Variants in KSR2 observed in about 807,000 individuals in gnomAD.
KSR2 encodes kinase suppressor of ras 2.
Under a neutral mutation model 107.8 loss-of-function variants are expected in KSR2, and 25 were observed. The observed-to-expected ratio is 0.23, with a 90% CI of 0.17 to 0.32. The LOEUF (loss-of-function observed/expected upper bound fraction) is 0.32, where lower values mean the gene tolerates loss of function less well. KSR2 is among the 10% of genes least tolerant of loss of function. KSR2 has a pLI of 1.00. For synonymous variants in KSR2, 480 were observed against 507.0 expected (o/e 0.95, Z 0.71); for missense variants, 887 against 1,268.9 (o/e 0.70, Z 4.57).
intron 14 of KSR2, among the ~76,000 whole-genome samples, chr12:117,492,546 T>C (rs1362250682): frequency 6.6e-6 from 1 of 152,212 alleles, no homozygotes; most frequent in African/African-American, 2.4e-5. Flanking sequence ...GGGCACAGGC[T>C]CTGCCTCTAT....
chr12:117,494,953 C>A (rs752181212), intron 14 of KSR2, among the ~76,000 whole-genome samples: 1 of 152,218 alleles, frequency 6.6e-6, no homozygotes. Context: ...TTGAGTAACA[C>A]GGCAAAGGCC....
In KSR2 at chr12:117,647,202, T is replaced by C. The variant is rs115715867; in HGVS notation, c.1171+20272A>G. Among the ~76,000 whole-genome samples, 457 of 152,018 alleles carry C rather than the reference T, an allele frequency of 3.0e-3. 3 individuals are homozygous for C. Among genetic ancestry groups the C allele is most frequent in the African/African-American group, 0.01 (432 of 41,452 alleles). ...GAGGGTTTTACTCTCCCTGTTAAGG[T>C]AGGAGAGAGTGAAGGGCGAAGAAGC... On this transcript the variant is annotated intron_variant, in intron 5 of 19. Transcript: ENST00000339824.
intron 5 of KSR2, among the ~76,000 whole-genome samples, chr12:117,638,139 T>C (rs1198874167): frequency 6.8e-6 from 1 of 146,416 alleles, no homozygotes; most frequent in South Asian, 2.4e-4. Flanking sequence ...TTAACATTTT[T>C]GCCTAAGTGT....
In KSR2 at chr12:117,460,263, G is replaced by A. The variant is rs1265693359; in HGVS notation, c.*6936C>T. The A allele has an allele frequency of 1.3e-5, 2 of 152,152 alleles. No individual in the cohort carries two copies. Among genetic ancestry groups the A allele is most frequent in the African/African-American group, 4.8e-5 (2 of 41,424 alleles). 9.4% of individuals were successfully genotyped at this position (152,152 alleles called of 1,614,324 possible). A position where few individuals can be genotyped will look rare whatever the true frequency, so the allele number is the denominator to read the frequency against. ...ACAGCCATTCTCAACCCCATGAGAT[G>A]AATCCTTCATATTCTTGGTGTTAGG... On this transcript the variant is annotated 3_prime_UTR_variant, in exon 20 of 20. Transcript: ENST00000339824.
rs914044732 is a variant in KSR2 at position 117,667,561 on chromosome 12, C to T, written c.1084G>A (p.Glu362Lys). 8 of 1,613,004 alleles carry T rather than the reference C, an allele frequency of 5.0e-6. No homozygotes were observed. Among genetic ancestry groups the T allele is most frequent in the Non-Finnish European group, 6.8e-6 (8 of 1,179,596 alleles). Residue 362 changes from glutamate to lysine, a missense_variant, in exon 5 of 20, where the codon GAG becomes AAG. Glu to Lys is a moderately conservative substitution (Grantham distance 56, BLOSUM62 1). Around this residue, in one of 8 missense-constraint regions of KSR2, gnomAD observed 399 missense variants for 479.5 expected, o/e 0.83. Coordinates refer to ENST00000339824, the MANE Select transcript of KSR2 (RefSeq NM_173598.6). Reference protein sequence around the residue: ...PSQQRSPLLSERSLRSFFVGH... With the variant: ...PSQQRSPLLSKRSLRSFFVGH... ...ACAAAGAAGGAGCGGAGGGAGCGCT[C>T]GGACAGCAGCGGGGAGCGCTGCTGA...
At chr12:117,618,255 G>A (rs1241117788) in intron 5 of KSR2, among the ~76,000 whole-genome samples, 1 of 151,996 alleles carries the variant, frequency 6.6e-6, no homozygotes, top group African/African-American at 2.4e-5. Flanking sequence ...TCTATTTCTA[G>A]TTTACCCTTA....
intron 4 of KSR2, among the ~76,000 whole-genome samples, chr12:117,737,867 G>A (rs1260970385): frequency 6.7e-6 from 1 of 149,164 alleles, no homozygotes; most frequent in African/African-American, 2.5e-5. Context: ...CCAATGTGTC[G>A]GCCACACTTT....
At chr12:117,901,617 T>C (rs2137395449) in intron 1 of KSR2, among the ~76,000 whole-genome samples, 1 of 152,228 alleles carries the variant, frequency 6.6e-6, no homozygotes, top group Admixed American at 6.5e-5. Flanking sequence ...TGGAATACTT[T>C]TAAAAATTAA....
intron 3 of KSR2, among the ~76,000 whole-genome samples, chr12:117,821,780 T>C (rs1279527518): frequency 1.3e-5 from 2 of 152,178 alleles, no homozygotes; most frequent in Non-Finnish European, 2.9e-5. Context: ...AATAGGGACA[T>C]AGCGCTGAAC....
chr12:117,760,438 T>C (rs1888958576), intron 4 of KSR2, among the ~76,000 whole-genome samples: 2 of 152,256 alleles, frequency 1.3e-5, no homozygotes, highest in East Asian at 1.9e-4. Flanking sequence ...ATATTTTACA[T>C]TGATTCTTTG....
intron 5 of KSR2, among the ~76,000 whole-genome samples, chr12:117,617,601 A>G (rs1881956501): frequency 6.6e-6 from 1 of 152,240 alleles, no homozygotes; most frequent in Non-Finnish European, 1.5e-5. Flanking sequence ...GCAAAAGAGT[A>G]TATACTGTAT....
intron 1 of KSR2, among the ~76,000 whole-genome samples, chr12:117,956,249 C>CAAAAA (rs59662300): frequency 2.1e-5 from 1 of 47,476 alleles, no homozygotes; most frequent in African/African-American, 8.0e-5. Context: ...GACTCTGTCT[C>CAAAAA]AAAAAAAAAA....
chr12:117,536,829 T>A (rs549196102), intron 10 of KSR2, among the ~76,000 whole-genome samples: 1 of 152,376 alleles, frequency 6.6e-6, no homozygotes, highest in South Asian at 2.1e-4. Flanking sequence ...TACAGTGAAG[T>A]CCTTACACAC....
At chr12:117,796,183 C>T (rs568493679) in intron 3 of KSR2, among the ~76,000 whole-genome samples, 1 of 152,284 alleles carries the variant, frequency 6.6e-6, no homozygotes, top group Non-Finnish European at 1.5e-5. Context: ...CCTCCTGCCA[C>T]GGCTTCCAAG....
chr12:117,758,117 T>C (rs1888861679), intron 4 of KSR2, among the ~76,000 whole-genome samples: 1 of 152,160 alleles, frequency 6.6e-6, no homozygotes. Flanking sequence ...TCTAACCTCT[T>C]GGGTCCACAG....
At chr12:117,638,238 G>A (rs1175893016) in intron 5 of KSR2, among the ~76,000 whole-genome samples, 1 of 152,122 alleles carries the variant, frequency 6.6e-6, no homozygotes, top group Non-Finnish European at 1.5e-5. Flanking sequence ...TATTATAGGT[G>A]ATTTTTTGTT....
intron 4 of KSR2, among the ~76,000 whole-genome samples, chr12:117,722,263 G>A (rs1311393832): frequency 1.3e-5 from 2 of 152,128 alleles, no homozygotes; most frequent in Non-Finnish European, 2.9e-5. Context: ...GCAGGTGGGG[G>A]AACCCTAGAT....
At chr12:117,849,719 A>G (rs1334546594) in intron 3 of KSR2, among the ~76,000 whole-genome samples, 1 of 152,060 alleles carries the variant, frequency 6.6e-6, no homozygotes, top group East Asian at 1.9e-4. Context: ...AGAGACAGAC[A>G]GACAGACACA....
At chr12:117,729,031 G>A (rs1024758498) in intron 4 of KSR2, among the ~76,000 whole-genome samples, 1 of 152,154 alleles carries the variant, frequency 6.6e-6, no homozygotes, top group African/African-American at 2.4e-5. Flanking sequence ...TGCAAAATGC[G>A]GTTAGCGGTA....
Sources: allele counts gnomAD v4.1 joint callset (sites outside exome capture counted in the v4.1 genomes callset), GRCh38; gene constraint gnomAD v4.1.1; regional missense constraint gnomAD v4.1.1; transcripts MANE v1.5; gene names NCBI Gene and HGNC (gene_info 2026-07-23, HGNC 2026-07-21).